The following EVA1A variants were observed in gnomAD, a reference collection of about 807,000 sequenced individuals.
The protein encoded by EVA1A is eva-1 homolog A, regulator of programmed cell death, also known as protein eva-1 homolog A.
Under a neutral mutation model 9.8 loss-of-function variants are expected in EVA1A, and 7 were observed. That is an observed-to-expected ratio of 0.71 (90% CI 0.41 to 1.34). The LOEUF is 1.34. EVA1A is among the 40% of genes most tolerant of loss of function. The pLI, the probability that EVA1A is intolerant of heterozygous loss-of-function variation, is 0.01. For synonymous variants in EVA1A, 90 were observed against 85.6 expected (o/e 1.05, Z -0.28); for missense variants, 206 against 205.9 (o/e 1.00, Z 0.00).
intron 1 of EVA1A, chr2:75,541,016 C>T (rs1308326561): frequency 6.6e-6 from 1 of 152,170 alleles, no homozygotes; most frequent in Non-Finnish European, 1.5e-5. Context: ...GTGTTGTATA[C>T]CTGCTGGACA....
intron 1 of EVA1A, among the ~76,000 whole-genome samples, chr2:75,539,323 G>A (rs1311719047): frequency 6.6e-6 from 1 of 152,198 alleles, no homozygotes; most frequent in Admixed American, 6.5e-5. Context: ...TATGATGCCA[G>A]TAAACAGAAC....
chr2:75,501,424 A>G (rs1382437502), intron 3 of EVA1A, among the ~76,000 whole-genome samples: 1 of 152,206 alleles, frequency 6.6e-6, no homozygotes, highest in Non-Finnish European at 1.5e-5. Context: ...AAAATTCTAC[A>G]TATTGTGGAA....
At chr2:75,528,277 C>T (rs369146750) in intron 1 of EVA1A, among the ~76,000 whole-genome samples, 3 of 152,108 alleles carry the variant, frequency 2.0e-5, no homozygotes, top group East Asian at 1.9e-4. Context: ...GGGGTGGAGG[C>T]GAATAGGAGG....
intron 1 of EVA1A, among the ~76,000 whole-genome samples, chr2:75,551,992 T>C (rs1007302494): frequency 1.3e-5 from 2 of 152,000 alleles, no homozygotes; most frequent in Non-Finnish European, 2.9e-5. Context: ...ACCAGCCTGG[T>C]CAACATAGTG....
chr2:75,527,878 C>T (rs2103880732), intron 1 of EVA1A, among the ~76,000 whole-genome samples: 1 of 152,312 alleles, frequency 6.6e-6, no homozygotes, highest in Non-Finnish European at 1.5e-5. Context: ...AAAGCAGTGG[C>T]TTGCCACTGC....
chr2:75,501,336 T>C (rs1357922997), intron 3 of EVA1A, among the ~76,000 whole-genome samples: 1 of 152,220 alleles, frequency 6.6e-6, no homozygotes, highest in African/African-American at 2.4e-5. Context: ...TTTAATTCCT[T>C]CTTTTGTTAG....
intron 1 of EVA1A, among the ~76,000 whole-genome samples, chr2:75,524,654 T>G (rs1026553120): frequency 6.6e-6 from 1 of 152,178 alleles, no homozygotes; most frequent in Non-Finnish European, 1.5e-5. Flanking sequence ...CACTTTCTCA[T>G]TCTTCAATCT....
rs146541154 is a variant in EVA1A, at chr2:75,493,395, G to A, written c.300C>T (p.His100=). 26 of 1,614,120 alleles carry A rather than the reference G, an allele frequency of 1.6e-5. No homozygotes were observed. The highest frequency in any genetic ancestry group is 1.1e-5 in the Non-Finnish European group (13 of 1,180,048). The change falls in exon 4 of 4, where the codon CAC becomes CAT. Residue 100 remains histidine, a synonymous_variant. Transcript: ENST00000393913. ...TGTTCAAAGTCCTCTCGAAGCGGCGGTGTCTCCGCACGGAGAGATCGGACA... is the reference window on the plus strand; with the variant it reads ...TGTTCAAAGTCCTCTCGAAGCGGCGATGTCTCCGCACGGAGAGATCGGACA... ...DTVSDLSVRR[H]RRFERTLNKN...
At chr2:75,547,222 C>G (rs1486961699) in intron 1 of EVA1A, among the ~76,000 whole-genome samples, 1 of 152,148 alleles carries the variant, frequency 6.6e-6, no homozygotes, top group Non-Finnish European at 1.5e-5. Context: ...TTAGAAGGAA[C>G]AGAGGGGAAA....
At chr2:75,494,545 C>A (rs1333484742) in intron 3 of EVA1A, among the ~76,000 whole-genome samples, 1 of 152,206 alleles carries the variant, frequency 6.6e-6, no homozygotes, top group Non-Finnish European at 1.5e-5. Context: ...TGGCAAGGAA[C>A]TAAGGGTGGC....
intron 1 of EVA1A, among the ~76,000 whole-genome samples, chr2:75,530,261 A>G (rs1044865883): frequency 3.9e-5 from 6 of 152,120 alleles, no homozygotes; most frequent in Non-Finnish European, 8.8e-5. Flanking sequence ...ATAACAAAAA[A>G]GTTGCCAATA....
chr2:75,493,527 C>G lies in EVA1A; in HGVS notation c.168G>C (p.Arg56Ser). ...LVLTLAALVI[R>S]ISCHTDCRRR... is the part of the protein sequence containing the mutation. ...GCCTGCAGTCTGTGTGGCAAGAGAT[C>G]CTTATCACCAGAGCAGCCAGGGTCA... is the stretch of plus-strand genomic sequence containing the variant. The change falls in exon 4 of 4, where the codon AGG becomes AGC. Residue 56 changes from arginine (R) to serine (S), a missense_variant. Coordinates refer to ENST00000393913, the MANE Select transcript of EVA1A (RefSeq NM_001135032.2). 2 of 1,614,198 alleles carry G rather than the reference C, an allele frequency of 1.2e-6. No individual in the cohort carries two copies. Among genetic ancestry groups the G allele is most frequent in the East Asian group, 2.2e-5 (1 of 44,882 alleles).
rs1175190491 is a variant in EVA1A at position 75,492,813 on chromosome 2, T to G, written c.*423A>C. The G allele has an allele frequency of 1.2e-5, 2 of 164,354 alleles. No individual in the cohort carries two copies. Among genetic ancestry groups the G allele is most frequent in the Non-Finnish European group, 2.6e-5 (2 of 76,084 alleles). The allele number at this position is 164,354 out of a possible 1,614,324, so 10.2% of individuals were successfully genotyped here. A position where few individuals can be genotyped will look rare whatever the true frequency, so the allele number is the denominator to read the frequency against. On this transcript the variant is annotated 3_prime_UTR_variant, in exon 4 of 4. Coordinates refer to ENST00000393913, the MANE Select transcript of EVA1A (RefSeq NM_001135032.2). ...TCAGAATCACCTCCATAGCATGAAG[T>G]CATTTAGGAAATTGCATTTATTGGG...
chr2:75,508,959 A>G (rs1238852334), intron 3 of EVA1A, among the ~76,000 whole-genome samples: 2 of 152,130 alleles, frequency 1.3e-5, no homozygotes, highest in African/African-American at 4.8e-5. Flanking sequence ...GCCACAAAAT[A>G]TATAACCTCT....
At chr2:75,503,536 A>G (rs1674506088) in intron 3 of EVA1A, among the ~76,000 whole-genome samples, 1 of 152,216 alleles carries the variant, frequency 6.6e-6, no homozygotes, top group African/African-American at 2.4e-5. Flanking sequence ...CTTGCAGGAT[A>G]GGGCAGCAGC....
At chr2:75,539,138 T>A (rs1676023117) in intron 1 of EVA1A, among the ~76,000 whole-genome samples, 1 of 152,208 alleles carries the variant, frequency 6.6e-6, no homozygotes, top group African/African-American at 2.4e-5. Flanking sequence ...GCACATTAAA[T>A]CTTGAGAAAT....
intron 1 of EVA1A, among the ~76,000 whole-genome samples, chr2:75,553,748 C>T (rs141010052): frequency 6.6e-6 from 1 of 152,326 alleles, no homozygotes; most frequent in Admixed American, 6.5e-5. Flanking sequence ...TTTTGACATG[C>T]AGCAGGGTCT....
chr2:75,508,586 G>A (rs758752268), intron 3 of EVA1A, among the ~76,000 whole-genome samples: 5 of 152,002 alleles, frequency 3.3e-5, no homozygotes, highest in African/African-American at 7.2e-5. Flanking sequence ...TTTTAATTTC[G>A]CCCCAGTCCT....
chr2:75,556,254 A>G (rs1676708676), intron 1 of EVA1A, among the ~76,000 whole-genome samples: 1 of 152,220 alleles, frequency 6.6e-6, no homozygotes, highest in Non-Finnish European at 1.5e-5. Flanking sequence ...CATTTCACAG[A>G]GAATACAGCT....
Sources: gnomAD v4.1 joint callset for allele counts (sites outside exome capture counted in the v4.1 genomes callset) on GRCh38, gnomAD v4.1.1 for gene constraint, MANE v1.5 for transcripts, NCBI Gene and HGNC (gene_info 2026-07-23, HGNC 2026-07-21) for gene names.